MDGA2: variants seen among roughly 807,000 people sequenced by gnomAD.
The protein encoded by MDGA2 is MAM domain containing glycosylphosphatidylinositol anchor 2.
A neutral mutation model predicts 117.8 loss-of-function variants in MDGA2; 40 were observed. The observed-to-expected ratio is 0.34, with a 90% CI of 0.26 to 0.44. The LOEUF (loss-of-function observed/expected upper bound fraction) is 0.44. MDGA2 is among the 20% of genes least tolerant of loss of function. The pLI, the probability that MDGA2 is intolerant of heterozygous loss-of-function variation, is 1.00. For synonymous variants in MDGA2, 452 were observed against 439.0 expected, an observed-to-expected ratio of 1.03 and a Z score of -0.37; for missense variants, 1,123 against 1,250.6, an observed-to-expected ratio of 0.90 and a Z score of 1.54.
chr14:47,460,372 G>GA (rs1893457004), intron 1 of MDGA2, among the ~76,000 whole-genome samples: 1 of 152,078 alleles, frequency 6.6e-6, no homozygotes. Flanking sequence ...AGAAACAAAA[G>GA]AAAGGTTATA....
At chr14:47,532,798 A>G (rs554022805) in intron 1 of MDGA2, among the ~76,000 whole-genome samples, 7 of 152,356 alleles carry the variant, frequency 4.6e-5, no homozygotes, top group Non-Finnish European at 4.4e-5. Flanking sequence ...GCAAATTAAA[A>G]TCCAGATGTA....
At chr14:47,520,903 A>G (rs1429571262) in intron 1 of MDGA2, among the ~76,000 whole-genome samples, 1 of 152,208 alleles carries the variant, frequency 6.6e-6, no homozygotes, top group Admixed American at 6.5e-5. Flanking sequence ...TGTCATTCAG[A>G]ATTAAGGAAC....
At chr14:47,581,899 T>A (rs889700077) in intron 1 of MDGA2, among the ~76,000 whole-genome samples, 9 of 151,938 alleles carry the variant, frequency 5.9e-5, no homozygotes, top group Admixed American at 3.3e-4. Context: ...TTTCCCTCAT[T>A]CTGCCCAGTG....
chr14:47,585,750 C>A (rs1896312923), intron 1 of MDGA2, among the ~76,000 whole-genome samples: 1 of 151,880 alleles, frequency 6.6e-6, no homozygotes, highest in African/African-American at 2.4e-5. Context: ...CCCCTTTCAT[C>A]CTTCCCTTAT....
chr14:47,618,510 T>G lies in MDGA2; in HGVS notation c.280+56007A>C, dbSNP rs1315748792. 2.0e-5 allele frequency among the ~76,000 whole-genome samples: 3 copies of G among 152,140 alleles called. No individual in the cohort carries two copies. In the East Asian group the frequency reaches 5.8e-4, roughly 29 times the overall value. ...CCTTTCTCAAGACTCTCTAAAACTC[T>G]CTACTTCAATTTTTCTTACTGCAAT... On this transcript the variant is annotated intron_variant, in intron 1 of 16. Coordinates refer to ENST00000399232, the MANE Select transcript of MDGA2 (RefSeq NM_001113498.3).
Position 47,280,571 on chromosome 14 carries a change from C to T in MDGA2, c.420+20840G>A, listed in dbSNP as rs187724103. 2.2e-3 allele frequency among the ~76,000 whole-genome samples: 341 copies of T among 152,106 alleles called. 2 individuals carry two copies. The highest frequency in any genetic ancestry group is 7.6e-3 in the African/African-American group (317 of 41,514). On this transcript the variant is annotated intron_variant, in intron 2 of 16. Transcript: ENST00000399232. ...AATGTTTTCCAGACTAAATCTCCAACTGTGGAGATTTGTGGAGAGCTCTAT... is the reference window on the plus strand; with the variant it reads ...AATGTTTTCCAGACTAAATCTCCAATTGTGGAGATTTGTGGAGAGCTCTAT...
At chr14:47,353,427 C>T (rs1277919904) in intron 1 of MDGA2, among the ~76,000 whole-genome samples, 4 of 152,164 alleles carry the variant, frequency 2.6e-5, no homozygotes, top group African/African-American at 4.8e-5. Flanking sequence ...ACTACCTCTC[C>T]TGCCTCAGTA....
At chr14:47,118,896 G>T (rs981380206) in intron 5 of MDGA2, among the ~76,000 whole-genome samples, 3 of 151,904 alleles carry the variant, frequency 2.0e-5, no homozygotes, top group African/African-American at 7.3e-5. Flanking sequence ...ACCATACCTG[G>T]ATAATATTTT....
chr14:47,236,151 C>A (rs1025477365), intron 2 of MDGA2, among the ~76,000 whole-genome samples: 7 of 151,916 alleles, frequency 4.6e-5, no homozygotes, highest in Non-Finnish European at 8.8e-5. Context: ...ATTAGCCGGG[C>A]ATAGTGGCGG....
chr14:47,550,474 C>A (rs1425145597), intron 1 of MDGA2, among the ~76,000 whole-genome samples: 1 of 152,138 alleles, frequency 6.6e-6, no homozygotes, highest in African/African-American at 2.4e-5. Flanking sequence ...AATATAAAAC[C>A]ACTATCACAG....
At chr14:47,011,147 T>G (rs958511905) in intron 8 of MDGA2, among the ~76,000 whole-genome samples, 1 of 151,768 alleles carries the variant, frequency 6.6e-6, no homozygotes, top group African/African-American at 2.4e-5. Flanking sequence ...AGTAGAACAA[T>G]TGCAAACAAA....
chr14:47,270,790 G>A (rs548772276), intron 2 of MDGA2, among the ~76,000 whole-genome samples: 2 of 152,198 alleles, frequency 1.3e-5, no homozygotes, highest in African/African-American at 2.4e-5. Context: ...GTGTGTGTGT[G>A]TGGGCACGTG....
At chr14:47,518,775 G>A (rs1012600962) in intron 1 of MDGA2, among the ~76,000 whole-genome samples, 1 of 152,142 alleles carries the variant, frequency 6.6e-6, no homozygotes, top group South Asian at 2.1e-4. Flanking sequence ...ATAAAGTCTG[G>A]TGACACTAGA....
intron 1 of MDGA2, among the ~76,000 whole-genome samples, chr14:47,456,362 G>A (rs1320145600): frequency 6.9e-6 from 1 of 145,816 alleles, no homozygotes; most frequent in Non-Finnish European, 1.5e-5. Flanking sequence ...GTGCCATCTC[G>A]ACTCACCGCA....
At chr14:47,561,158 G>GTTTTTTT (rs200625450) in intron 1 of MDGA2, among the ~76,000 whole-genome samples, 27 of 55,066 alleles carry the variant, frequency 4.9e-4, no homozygotes, top group South Asian at 1.0e-3. Flanking sequence ...TTTTTGTTTT[G>GTTTTTTT]TTTTGTTTTT....
At chr14:47,340,576 C>A (rs1416577637) in intron 1 of MDGA2, among the ~76,000 whole-genome samples, 1 of 152,024 alleles carries the variant, frequency 6.6e-6, no homozygotes, top group Non-Finnish European at 1.5e-5. Context: ...TTGTTAGTGC[C>A]AAAACCAAAC....
rs991931054 is a variant in MDGA2, at chr14:47,237,585, A to C, written c.421-19390T>G. Among the ~76,000 whole-genome samples the C allele has an allele frequency of 9.2e-5, 14 of 152,302 alleles. No individual in the cohort carries two copies. In the East Asian group the frequency reaches 1.9e-3, roughly 21 times the overall value. On this transcript the variant is annotated intron_variant, in intron 2 of 16. Transcript: ENST00000399232. Reference sequence around the variant, plus strand: ...TGCACAAAAATATTAGAAATAAAATAATTGTTATACGAATATATCTGTTCG... The same window carrying C: ...TGCACAAAAATATTAGAAATAAAATCATTGTTATACGAATATATCTGTTCG...
intron 1 of MDGA2, among the ~76,000 whole-genome samples, chr14:47,468,814 A>T (rs895389824): frequency 2.6e-5 from 4 of 152,164 alleles, no homozygotes; most frequent in African/African-American, 9.6e-5. Context: ...ACATGATTTC[A>T]TCTCATTGCA....
intron 8 of MDGA2, among the ~76,000 whole-genome samples, chr14:47,008,775 TAAC>T (rs1242455551): frequency 1.3e-5 from 2 of 151,990 alleles, no homozygotes; most frequent in Admixed American, 6.6e-5. Context: ...TACATATAAT[TAAC>T]AATCATTCTA....
Sources: allele counts gnomAD v4.1 joint callset (sites outside exome capture counted in the v4.1 genomes callset), GRCh38; gene constraint gnomAD v4.1.1; transcripts MANE v1.5; gene names NCBI Gene and HGNC (gene_info 2026-07-23, HGNC 2026-07-21).